RPS6KC1: variants seen among roughly 807,000 people sequenced by gnomAD.
The protein encoded by RPS6KC1 is ribosomal protein S6 kinase C1.
In RPS6KC1, 54 loss-of-function variants were observed where a neutral mutation model predicts 103.8. That is an observed-to-expected ratio of 0.52 (90% confidence interval 0.42 to 0.65). The LOEUF is 0.65. Among genes scored for constraint, RPS6KC1 ranks in the 30% least tolerant of loss-of-function variants. The pLI is 0.00. For synonymous variants in RPS6KC1, 439 were observed against 438.7 expected (o/e 1.00, Z -0.01); for missense variants, 1,151 against 1,253.8 (o/e 0.92, Z 1.24).
the RPS6KC1 span, among the ~76,000 whole-genome samples, chr1:213,769,816 T>C: frequency 6.6e-6 from 1 of 152,350 alleles, no homozygotes; most frequent in Admixed American, 6.5e-5. Context: ...TGCTTTGTTA[T>C]ATATTGACAA....
chr1:213,209,260 A>G (rs2148655871), intron 8 of RPS6KC1, among the ~76,000 whole-genome samples: 1 of 152,226 alleles, frequency 6.6e-6, no homozygotes, highest in African/African-American at 2.4e-5. Context: ...TTTTACCTGT[A>G]TTCCTTTACC....
At chr1:213,855,568 C>T in the RPS6KC1 span, among the ~76,000 whole-genome samples, 28 of 152,324 alleles carry the variant, frequency 1.8e-4, no homozygotes, top group Admixed American at 1.6e-3. Context: ...TGTCTCTCTT[C>T]TCCAGGGGGC....
At chr1:213,231,157 G>C (rs1387066156) in intron 9 of RPS6KC1, among the ~76,000 whole-genome samples, 1 of 152,156 alleles carries the variant, frequency 6.6e-6, no homozygotes, top group East Asian at 1.9e-4. Flanking sequence ...TGTGTAGTGT[G>C]TTGTTTAAAT....
At chr1:213,540,721 T>C in the RPS6KC1 span, among the ~76,000 whole-genome samples, 1 of 152,228 alleles carries the variant, frequency 6.6e-6, no homozygotes, top group Non-Finnish European at 1.5e-5. Context: ...CAAAAATTTC[T>C]GTCTAGCATG....
the RPS6KC1 span, among the ~76,000 whole-genome samples, chr1:213,447,890 T>A: frequency 3.4e-4 from 51 of 152,184 alleles, no homozygotes; most frequent in Non-Finnish European, 5.6e-4. Context: ...ATATTACGTG[T>A]TTTTTTATAA....
intron 6 of RPS6KC1, among the ~76,000 whole-genome samples, chr1:213,166,223 A>C (rs2090955765): frequency 6.6e-6 from 1 of 152,132 alleles, no homozygotes; most frequent in Non-Finnish European, 1.5e-5. Flanking sequence ...TTTGAGCCTA[A>C]GGTGAATCAA....
the RPS6KC1 span, among the ~76,000 whole-genome samples, chr1:213,721,271 T>C: frequency 0.49 from 74,859 of 151,998 alleles, 18,771 homozygotes; most frequent in South Asian, 0.6. Flanking sequence ...TGTGGTTTGG[T>C]TGTGTCCCCA....
At chr1:213,099,070 A>G (rs2081765886) in intron 3 of RPS6KC1, among the ~76,000 whole-genome samples, 1 of 152,242 alleles carries the variant, frequency 6.6e-6, no homozygotes, top group Admixed American at 6.5e-5. Context: ...ATGTTGTTAC[A>G]GCCTTTCAAG....
At chr1:213,069,265 A>G (rs1044281450) in intron 1 of RPS6KC1, among the ~76,000 whole-genome samples, 1 of 152,192 alleles carries the variant, frequency 6.6e-6, no homozygotes, top group Non-Finnish European at 1.5e-5. Flanking sequence ...AATTACTACA[A>G]GATTTCACCA....
At chr1:213,086,799 C>T (rs1240543915) in intron 3 of RPS6KC1, among the ~76,000 whole-genome samples, 1 of 152,104 alleles carries the variant, frequency 6.6e-6, no homozygotes, top group East Asian at 1.9e-4. Flanking sequence ...ATACATACCT[C>T]TAATCATTTG....
chr1:213,142,320 A>G (rs1468631734), intron 6 of RPS6KC1, among the ~76,000 whole-genome samples: 2 of 152,018 alleles, frequency 1.3e-5, no homozygotes, highest in African/African-American at 4.8e-5. Flanking sequence ...CTTGCTGTTT[A>G]TCCAACTTGC....
At position 213,272,896 on chromosome 1, in the gene RPS6KC1, A is replaced by T. The variant is rs1558675371; in HGVS notation, c.*262A>T. 14 of 261,856 alleles carry T rather than the reference A, an allele frequency of 5.3e-5. No individual in the cohort carries two copies. The South Asian group carries it at 9.8e-4, about 18-fold the overall frequency. The allele number at this position is 261,856 out of a possible 1,614,324, so 16.2% of individuals were successfully genotyped here. A position where few individuals can be genotyped will look rare whatever the true frequency, so the allele number is the denominator to read the frequency against. ...ATTTAATCCACATTTGGTGTTGCAGATGAGTTGTAAAGCCAACTGAAAGAG... is the reference window on the plus strand; with the variant it reads ...ATTTAATCCACATTTGGTGTTGCAGTTGAGTTGTAAAGCCAACTGAAAGAG... On this transcript the variant is annotated 3_prime_UTR_variant, in exon 15 of 15. Transcript: ENST00000366960.
At chr1:213,593,095 G>A in the RPS6KC1 span, among the ~76,000 whole-genome samples, 1 of 152,108 alleles carries the variant, frequency 6.6e-6, no homozygotes, top group African/African-American at 2.4e-5. Flanking sequence ...GTGTTGAGGT[G>A]GGCAGGGACT....
At chr1:213,069,295 T>C (rs2078653937) in intron 1 of RPS6KC1, among the ~76,000 whole-genome samples, 1 of 152,178 alleles carries the variant, frequency 6.6e-6, no homozygotes, top group African/African-American at 2.4e-5. Flanking sequence ...ATTCTGAAAG[T>C]TGGAGAATAG....
At chr1:213,336,676 C>T in the RPS6KC1 span, among the ~76,000 whole-genome samples, 1 of 152,248 alleles carries the variant, frequency 6.6e-6, no homozygotes, top group African/African-American at 2.4e-5. Context: ...CTCTTATTCC[C>T]ATTTTACAGG....
At chr1:213,188,883 T>C (rs2092642838) in intron 8 of RPS6KC1, among the ~76,000 whole-genome samples, 1 of 152,042 alleles carries the variant, frequency 6.6e-6, no homozygotes, top group Non-Finnish European at 1.5e-5. Context: ...CTAAAACTTA[T>C]TTGGGAAGTT....
the RPS6KC1 span, among the ~76,000 whole-genome samples, chr1:213,575,734 T>C: frequency 0.098 from 14,854 of 152,064 alleles, 820 homozygotes; most frequent in Non-Finnish European, 0.12. Context: ...CACCGGGAAA[T>C]GACATGCGGA....
the RPS6KC1 span, among the ~76,000 whole-genome samples, chr1:213,583,281 A>G: frequency 6.6e-6 from 1 of 152,220 alleles, no homozygotes; most frequent in Non-Finnish European, 1.5e-5. Flanking sequence ...ACCTAAATGT[A>G]GAAGTGCTGG....
the RPS6KC1 span, among the ~76,000 whole-genome samples, chr1:213,854,506 CTTTCTCTT>C: frequency 2.7e-5 from 4 of 149,914 alleles, no homozygotes; most frequent in African/African-American, 9.8e-5. Flanking sequence ...TAATCTCTTT[CTTTCTCTT>C]TCTTTCTTTC....
Sources: gnomAD v4.1 joint callset for allele counts (sites outside exome capture counted in the v4.1 genomes callset) on GRCh38, gnomAD v4.1.1 for gene constraint, MANE v1.5 for transcripts, NCBI Gene and HGNC (gene_info 2026-07-23, HGNC 2026-07-21) for gene names.